The following EFHD1 variants were observed in gnomAD, a reference collection of about 807,000 sequenced individuals.
The protein encoded by EFHD1 is EF-hand domain family member D1, also known as EF-hand domain-containing protein D1.
Under a neutral mutation model 17.2 loss-of-function variants are expected in EFHD1, and 10 were observed. That is an observed-to-expected ratio of 0.58 (90% CI 0.36 to 0.99). EFHD1 has a LOEUF of 0.99. Ranked by LOEUF, EFHD1 falls within the 50% of genes least tolerant of loss-of-function variation. The pLI, the probability that EFHD1 is intolerant of heterozygous loss-of-function variation, is 0.01. For synonymous variants in EFHD1, 153 were observed against 142.0 expected (o/e 1.08, Z -0.55); for missense variants, 310 against 327.5 (o/e 0.95, Z 0.41).
chr2:232,672,004 C>T (rs964129126), intron 2 of EFHD1, among the ~76,000 whole-genome samples: 2 of 150,922 alleles, frequency 1.3e-5, no homozygotes, highest in Non-Finnish European at 1.5e-5. Context: ...TGCAGTGAGC[C>T]GAGATCATGC....
At chr2:232,645,560 C>T (rs1049446551) in intron 1 of EFHD1, among the ~76,000 whole-genome samples, 7 of 152,314 alleles carry the variant, frequency 4.6e-5, no homozygotes, top group African/African-American at 9.6e-5. Flanking sequence ...TGCTGGCCTC[C>T]GATGCTGTCC....
upstream of EFHD1, among the ~76,000 whole-genome samples, chr2:232,632,353 C>CTGGT (rs1694218993): frequency 6.6e-6 from 1 of 152,214 alleles, no homozygotes; most frequent in African/African-American, 2.4e-5. Flanking sequence ...ATGCCAAAGG[C>CTGGT]TGGTCCCTGG....
Position 232,673,781 on chromosome 2 carries a change from G to A in EFHD1, c.585+1338G>A, listed in dbSNP as rs941557220. On this transcript the variant is annotated intron_variant, in intron 3 of 3. Transcript: ENST00000264059. Reference sequence around the variant, plus strand: ...GATGGAGTGTCGCTCTGCCACCCAGGCTGGAGTGCAGTGGCAGAATCTTGG... The same window carrying A: ...GATGGAGTGTCGCTCTGCCACCCAGACTGGAGTGCAGTGGCAGAATCTTGG... Among the ~76,000 whole-genome samples the A allele has an allele frequency of 7.9e-5, 12 of 152,192 alleles. No individual in the cohort carries two copies. In the East Asian group the frequency reaches 2.3e-3, roughly 29 times the overall value.
At chr2:232,625,425 C>T (rs541133515) in intron 1 of EFHD1, among the ~76,000 whole-genome samples, 9 of 152,242 alleles carry the variant, frequency 5.9e-5, no homozygotes, top group Middle Eastern at 3.4e-3. Context: ...CCACCGTACC[C>T]GGTCTGACTT....
At chr2:232,617,642 G>C (rs1346671462) in intron 1 of EFHD1, among the ~76,000 whole-genome samples, 1 of 128,328 alleles carries the variant, frequency 7.8e-6, no homozygotes, top group Non-Finnish European at 1.6e-5. Context: ...AACAGAGCGA[G>C]ACTCCGTCTC....
intron 1 of EFHD1, among the ~76,000 whole-genome samples, chr2:232,617,201 G>A (rs1693940497): frequency 1.3e-5 from 2 of 152,192 alleles, no homozygotes; most frequent in South Asian, 2.1e-4. Flanking sequence ...GTCCCCAGCA[G>A]GTAAGGCCAT....
At chr2:232,635,452 G>A (rs1013555806) in intron 1 of EFHD1, among the ~76,000 whole-genome samples, 3 of 152,216 alleles carry the variant, frequency 2.0e-5, no homozygotes, top group African/African-American at 7.2e-5. Context: ...GATAAAAAGA[G>A]TCCATATGCT....
chr2:232,665,057 C>T (rs988413102), intron 2 of EFHD1, among the ~76,000 whole-genome samples: 2 of 151,822 alleles, frequency 1.3e-5, no homozygotes, highest in East Asian at 2.0e-4. Context: ...ACCACAGGCA[C>T]GTACCACTAC....
At chr2:232,631,181 C>A (rs943878015), upstream of EFHD1, among the ~76,000 whole-genome samples, 2 of 151,954 alleles carry the variant, frequency 1.3e-5, no homozygotes, top group African/African-American at 4.8e-5. Flanking sequence ...GAGCCGAGAT[C>A]GCACCACTGC....
chr2:232,623,656 C>T (rs1435541413), intron 1 of EFHD1, among the ~76,000 whole-genome samples: 1 of 115,896 alleles, frequency 8.6e-6, no homozygotes, highest in Non-Finnish European at 1.6e-5. Context: ...GCCTGGGCGA[C>T]AGAGTGAGTC....
intron 2 of EFHD1, among the ~76,000 whole-genome samples, chr2:232,663,727 A>AC (rs1201960192): frequency 6.6e-6 from 1 of 152,076 alleles, no homozygotes; most frequent in Admixed American, 6.6e-5. Flanking sequence ...TAATCTGGGT[A>AC]CCCATCACCT....
chr2:232,623,673 CAAA>C (rs756932393), intron 1 of EFHD1, among the ~76,000 whole-genome samples: 5 of 86,642 alleles, frequency 5.8e-5, no homozygotes, highest in Admixed American at 3.0e-4. Flanking sequence ...AGTCTCTGTC[CAAA>C]AAAAAAAAAA....
At chr2:232,669,879 G>A (rs539200352) in intron 2 of EFHD1, among the ~76,000 whole-genome samples, 31 of 152,074 alleles carry the variant, frequency 2.0e-4, no homozygotes, top group Non-Finnish European at 3.4e-4. Flanking sequence ...GATTACAGGC[G>A]TGAGCCACTG....
At chr2:232,678,316 A>G (rs766919685) in intron 3 of EFHD1, among the ~76,000 whole-genome samples, 5 of 152,150 alleles carry the variant, frequency 3.3e-5, no homozygotes, top group African/African-American at 4.8e-5. Flanking sequence ...GAATGCAGTG[A>G]TTACATTTAA....
intron 1 of EFHD1, among the ~76,000 whole-genome samples, chr2:232,650,868 C>A (rs1286304087): frequency 6.6e-6 from 1 of 151,936 alleles, no homozygotes; most frequent in Non-Finnish European, 1.5e-5. Context: ...CACACCTGGT[C>A]TATTCTGGAT....
intron 1 of EFHD1, among the ~76,000 whole-genome samples, chr2:232,608,758 G>A (rs1311254414): frequency 3.3e-5 from 5 of 151,960 alleles, no homozygotes; most frequent in Admixed American, 2.6e-4. Flanking sequence ...GTGAAACCCC[G>A]TCTATACTAA....
upstream of EFHD1, among the ~76,000 whole-genome samples, chr2:232,628,667 C>T (rs989736378): frequency 2.0e-5 from 3 of 152,106 alleles, no homozygotes; most frequent in Non-Finnish European, 2.9e-5. Flanking sequence ...GACTCAATTC[C>T]GCAGGGATTT....
upstream of EFHD1, among the ~76,000 whole-genome samples, chr2:232,633,020 T>C (rs975629797): frequency 6.6e-6 from 1 of 152,280 alleles, no homozygotes; most frequent in African/African-American, 2.4e-5. Flanking sequence ...TTCTGCTCGT[T>C]TGCTCTCTCT....
chr2:232,646,226 T>A (rs1008823034), intron 1 of EFHD1, among the ~76,000 whole-genome samples: 1 of 152,048 alleles, frequency 6.6e-6, no homozygotes, highest in Admixed American at 6.5e-5. Context: ...AGGAAAAAAG[T>A]CTAGACTCCT....
Sources: allele counts gnomAD v4.1 joint callset (sites outside exome capture counted in the v4.1 genomes callset), GRCh38; gene constraint gnomAD v4.1.1; transcripts MANE v1.5; gene names NCBI Gene and HGNC (gene_info 2026-07-23, HGNC 2026-07-21).